Variants in PLA2G2C observed in about 807,000 individuals in gnomAD.
The protein encoded by PLA2G2C is putative inactive group IIC secretory phospholipase A2.
A neutral mutation model predicts 14.3 loss-of-function variants in PLA2G2C; 15 were observed. The ratio of observed to expected loss-of-function variants is 1.05; its 90% confidence interval spans 0.70 to 1.62. The LOEUF is 1.62. PLA2G2C is among the 40% of genes most tolerant of loss of function. PLA2G2C has a pLI of 0.00. For missense variants in PLA2G2C, 162 were observed against 173.2 expected, an observed-to-expected ratio of 0.94 and a Z score of 0.36; for synonymous variants, 79 against 67.7, an observed-to-expected ratio of 1.17 and a Z score of -0.82.
chr1:20,172,298 A>C, intron 4 of PLA2G2C, among the ~76,000 whole-genome samples: 1 of 151,976 alleles, frequency 6.6e-6, no homozygotes, highest in African/African-American at 2.4e-5. Flanking sequence ...ACTTGCCCAC[A>C]TGGCTCCTTG....
chr1:20,172,431 G>A (rs1338712223), intron 4 of PLA2G2C, among the ~76,000 whole-genome samples: 2 of 152,196 alleles, frequency 1.3e-5, no homozygotes, highest in African/African-American at 2.4e-5. Flanking sequence ...CCAACTGGAA[G>A]ACAGCTGAGC....
At chr1:20,174,341 A>G (rs981228241) in intron 3 of PLA2G2C, among the ~76,000 whole-genome samples, 1 of 152,160 alleles carries the variant, frequency 6.6e-6, no homozygotes. Flanking sequence ...CCACACGTAC[A>G]TTCACCAGAT....
intron 1 of PLA2G2C, among the ~76,000 whole-genome samples, chr1:20,181,044 CTA>C (rs2018271255): frequency 1.3e-5 from 2 of 152,242 alleles, no homozygotes; most frequent in African/African-American, 4.8e-5. Context: ...CTGGCACAAA[CTA>C]ATACTACCCA....
intron 3 of PLA2G2C, 54 bp downstream of exon 3, chr1:20,174,953 C>A: frequency 6.6e-7 from 1 of 1,520,364 alleles, no homozygotes; most frequent in Non-Finnish European, 8.9e-7. Flanking sequence ...TGGCTTTGAG[C>A]ATGAACTTTA....
At chr1:20,182,403 G>A (rs752919978) in intron 1 of PLA2G2C, among the ~76,000 whole-genome samples, 9 of 152,038 alleles carry the variant, frequency 5.9e-5, no homozygotes, top group Non-Finnish European at 1.0e-4. Flanking sequence ...TATTTAGAAC[G>A]GCAACATGCT....
chr1:20,185,340 T>G (rs142746331), intron 1 of PLA2G2C, among the ~76,000 whole-genome samples: 1 of 151,428 alleles, frequency 6.6e-6, no homozygotes, highest in Non-Finnish European at 1.5e-5. Flanking sequence ...GGAAGGAGAG[T>G]AGGACTCGGG....
chr1:20,167,616 T>C (rs1358898564), intron 4 of PLA2G2C, among the ~76,000 whole-genome samples: 1 of 152,202 alleles, frequency 6.6e-6, no homozygotes, highest in Non-Finnish European at 1.5e-5. Flanking sequence ...TCTTTCCTCC[T>C]TGACTCTCTT....
intron 1 of PLA2G2C, among the ~76,000 whole-genome samples, chr1:20,185,680 C>CA (rs906302983): frequency 2.6e-5 from 4 of 152,176 alleles, no homozygotes; most frequent in African/African-American, 7.2e-5. Context: ...AGCATCCACT[C>CA]AGAGTTTAGG....
chr1:20,176,003 G>A (rs1035116435), intron 2 of PLA2G2C, among the ~76,000 whole-genome samples: 2 of 149,622 alleles, frequency 1.3e-5, no homozygotes, highest in African/African-American at 2.5e-5. Context: ...TCCGCCTCCC[G>A]GGTTCAGGCA....
chr1:20,172,657 G>A lies in PLA2G2C; in HGVS notation c.283+137C>T, dbSNP rs527779560. On this transcript the variant is annotated intron_variant, in intron 4 of 4. Transcript: ENST00000679259. ...CACTCTGAGAAGCTCTGGAGCATCA[G>A]GAGAAAGCTCAGGAATATCTCCTTC... 37 of 751,678 alleles carry A rather than the reference G, an allele frequency of 4.9e-5. 1 individual carries two copies. In the African/African-American group the frequency reaches 6.2e-4, roughly 13 times the overall value. The allele number at this position is 751,678 out of a possible 1,614,324, so 46.6% of individuals were successfully genotyped here. A position where few individuals can be genotyped will look rare whatever the true frequency, so the allele number is the denominator to read the frequency against.
intron 4 of PLA2G2C, among the ~76,000 whole-genome samples, chr1:20,164,784 GC>G (rs1557784213): frequency 6.6e-6 from 1 of 152,212 alleles, no homozygotes; most frequent in African/African-American, 2.4e-5. Flanking sequence ...CGACCTCGCT[GC>G]CCCCGCTCCT....
At chr1:20,165,893 C>T (rs916142011) in intron 4 of PLA2G2C, among the ~76,000 whole-genome samples, 8 of 152,182 alleles carry the variant, frequency 5.3e-5, no homozygotes, top group African/African-American at 1.2e-4. Flanking sequence ...CACCCTAGTC[C>T]GCTCTCAGGG....
chr1:20,175,039 C>T lies in PLA2G2C; in HGVS notation c.147G>A (p.Gly49=). Residue 49 remains glycine, a synonymous_variant, in exon 3 of 5, where the codon GGG becomes GGA. Transcript: ENST00000679259. ...YYGYGCYCGL[G]DKGIPVDDTD... is the part of the protein sequence containing the mutation. ...TGTCATCCACGGGGATCCCTTTATC[C>T]CCAAGCCCACAGTAGCAGCCATATC... The T allele has an allele frequency of 6.2e-7, 1 of 1,613,864 alleles. No individual in the cohort carries two copies. Among genetic ancestry groups the T allele is most frequent in the Non-Finnish European group, 8.5e-7 (1 of 1,179,834 alleles).
intron 4 of PLA2G2C, among the ~76,000 whole-genome samples, chr1:20,168,565 C>T (rs567749744): frequency 2.8e-4 from 43 of 152,294 alleles, no homozygotes; most frequent in East Asian, 1.9e-4. Context: ...AGCGTGTCAG[C>T]GAGTGGAGGC....
At chr1:20,168,657 C>T (rs952598393) in intron 4 of PLA2G2C, among the ~76,000 whole-genome samples, 2 of 152,192 alleles carry the variant, frequency 1.3e-5, no homozygotes, top group African/African-American at 2.4e-5. Context: ...TTCATCTTCC[C>T]GCTTTGGCAG....
chr1:20,180,450 T>C (rs1232923288), intron 1 of PLA2G2C, among the ~76,000 whole-genome samples: 1 of 152,236 alleles, frequency 6.6e-6, no homozygotes, highest in Non-Finnish European at 1.5e-5. Flanking sequence ...AGGCAGGTTC[T>C]ATCACATTCA....
intron 4 of PLA2G2C, among the ~76,000 whole-genome samples, chr1:20,167,322 G>C (rs1424066448): frequency 6.6e-6 from 1 of 152,026 alleles, no homozygotes; most frequent in Non-Finnish European, 1.5e-5. Flanking sequence ...CAAACTCAAG[G>C]TGACTCACAC....
At chr1:20,165,547 A>C (rs1200391357) in intron 4 of PLA2G2C, among the ~76,000 whole-genome samples, 1 of 152,226 alleles carries the variant, frequency 6.6e-6, no homozygotes, top group East Asian at 1.9e-4. Context: ...GAATAAGAGA[A>C]GGGATGAATG....
intron 4 of PLA2G2C, among the ~76,000 whole-genome samples, chr1:20,167,110 G>A (rs2017992517): frequency 6.6e-6 from 1 of 152,176 alleles, no homozygotes. Context: ...CTGCATTCCT[G>A]CCTGTGGCTG....
Sources: gnomAD v4.1 joint callset for allele counts (sites outside exome capture counted in the v4.1 genomes callset) on GRCh38, gnomAD v4.1.1 for gene constraint, MANE v1.5 for transcripts, NCBI Gene and HGNC (gene_info 2026-07-23, HGNC 2026-07-21) for gene names.